Variants in GRM7 observed in about 807,000 individuals in gnomAD.
GRM7 encodes glutamate metabotropic receptor 7.
Under a neutral mutation model 84.5 loss-of-function variants are expected in GRM7, and 35 were observed. The ratio of observed to expected loss-of-function variants is 0.41; its 90% CI spans 0.32 to 0.55. The LOEUF is 0.55. Ranked by LOEUF, GRM7 falls within the 20% of genes least tolerant of loss-of-function variation. The pLI, the probability that GRM7 is intolerant of heterozygous loss-of-function variation, is 0.19. For missense variants in GRM7, 1,003 were observed against 1,194.6 expected (o/e 0.84, Z 2.36); for synonymous variants, 487 against 455.1 (o/e 1.07, Z -0.89).
chr3:7,220,599 G>A (rs1254484756), intron 2 of GRM7, among the ~76,000 whole-genome samples: 1 of 152,024 alleles, frequency 6.6e-6, no homozygotes, highest in African/African-American at 2.4e-5. Context: ...TAGGAAAAGG[G>A]CATTAGGTAA....
chr3:7,136,953 A>C (rs1207147836), intron 1 of GRM7, among the ~76,000 whole-genome samples: 1 of 152,118 alleles, frequency 6.6e-6, no homozygotes, highest in African/African-American at 2.4e-5. Flanking sequence ...AGAACCCATC[A>C]ATTGACCTTC....
chr3:7,137,516 AAT>A (rs1693810012), intron 1 of GRM7, among the ~76,000 whole-genome samples: 2 of 152,094 alleles, frequency 1.3e-5, no homozygotes, highest in Non-Finnish European at 2.9e-5. Context: ...GATTACTTGA[AAT>A]GAGTTTTCTG....
chr3:7,580,699 T>C (rs1208356998), intron 8 of GRM7, among the ~76,000 whole-genome samples: 1 of 152,126 alleles, frequency 6.6e-6, no homozygotes, highest in Admixed American at 6.5e-5. Context: ...CAGATTATGG[T>C]TTTAGTCATA....
At chr3:6,959,960 G>A (rs1693225772) in intron 1 of GRM7, among the ~76,000 whole-genome samples, 1 of 152,122 alleles carries the variant, frequency 6.6e-6, no homozygotes, top group Non-Finnish European at 1.5e-5. Flanking sequence ...CCAGAAAAGA[G>A]GCTGAACATC....
At chr3:7,412,191 CCT>C (rs1185048829) in intron 4 of GRM7, among the ~76,000 whole-genome samples, 2 of 152,080 alleles carry the variant, frequency 1.3e-5, no homozygotes, top group East Asian at 1.9e-4. Context: ...GGAAGCAGAC[CCT>C]CTGTTTATAG....
rs567550399 is a variant in GRM7, at chr3:7,419,637, C to G, written c.1174+4474C>G. 5.9e-5 allele frequency among the ~76,000 whole-genome samples: 9 copies of G among 152,228 alleles called. No homozygotes were observed. In the South Asian group the frequency reaches 1.9e-3, roughly 32 times the overall value. On this transcript the variant is annotated intron_variant, in intron 5 of 9. Coordinates refer to ENST00000357716, the MANE Select transcript of GRM7 (RefSeq NM_000844.4). The stretch of plus-strand genomic sequence containing the variant: ...GACTGGGCAACATCTTATGGCTTAT[C>G]AGTCATAACTCGTGACTTACCCAGA...
chr3:6,864,929 T>C (rs1445324537), intron 1 of GRM7, among the ~76,000 whole-genome samples: 1 of 152,200 alleles, frequency 6.6e-6, no homozygotes. Context: ...TGTACCAGAT[T>C]GAAGACATAA....
At chr3:7,316,419 C>G (rs1021907062) in intron 4 of GRM7, among the ~76,000 whole-genome samples, 26 of 151,628 alleles carry the variant, frequency 1.7e-4, no homozygotes, top group African/African-American at 3.6e-4. Flanking sequence ...TTATTCCCCC[C>G]AAAACAAAGA....
intron 1 of GRM7, among the ~76,000 whole-genome samples, chr3:6,877,164 G>A (rs1474849771): frequency 6.6e-6 from 1 of 152,170 alleles, no homozygotes; most frequent in African/African-American, 2.4e-5. Flanking sequence ...CTCAGCACTT[G>A]CATCATGTTA....
At chr3:7,061,620 C>T (rs1469527098) in intron 1 of GRM7, among the ~76,000 whole-genome samples, 2 of 151,588 alleles carry the variant, frequency 1.3e-5, no homozygotes, top group African/African-American at 4.8e-5. Flanking sequence ...AATGTCTCAA[C>T]AAAGAAAATA....
At chr3:6,893,771 A>G (rs956550782) in intron 1 of GRM7, 5 of 152,182 alleles carry the variant, frequency 3.3e-5, no homozygotes, top group Non-Finnish European at 7.4e-5. Flanking sequence ...ATATTCTGGT[A>G]TTCTAACAAT....
At chr3:7,646,225 T>A (rs566691101) in intron 8 of GRM7, among the ~76,000 whole-genome samples, 1 of 152,168 alleles carries the variant, frequency 6.6e-6, no homozygotes, top group Non-Finnish European at 1.5e-5. Flanking sequence ...GGAGTCTCAC[T>A]CTGTTGCCCA....
chr3:6,940,608 T>G (rs1182161294), intron 1 of GRM7, among the ~76,000 whole-genome samples: 1 of 152,196 alleles, frequency 6.6e-6, no homozygotes, highest in Non-Finnish European at 1.5e-5. Flanking sequence ...CAGTTTCTTC[T>G]TTCTTTCACA....
intron 5 of GRM7, among the ~76,000 whole-genome samples, chr3:7,418,088 T>G (rs1284754471): frequency 1.3e-5 from 2 of 152,198 alleles, no homozygotes; most frequent in Non-Finnish European, 2.9e-5. Context: ...GAAAATGACC[T>G]GAACAACTAT....
At chr3:7,622,927 C>A (rs62235220) in intron 8 of GRM7, among the ~76,000 whole-genome samples, 1 of 151,950 alleles carries the variant, frequency 6.6e-6, no homozygotes, top group Admixed American at 6.6e-5. Context: ...AAGGAGGTTC[C>A]AGGGGAAAGT....
chr3:7,528,331 C>A (rs2125000844), intron 7 of GRM7, among the ~76,000 whole-genome samples: 1 of 152,176 alleles, frequency 6.6e-6, no homozygotes, highest in African/African-American at 2.4e-5. Flanking sequence ...ATAATAGTCT[C>A]TGAGAATCTT....
At chr3:7,138,765 T>G (rs1340755876) in intron 1 of GRM7, among the ~76,000 whole-genome samples, 1 of 151,474 alleles carries the variant, frequency 6.6e-6, no homozygotes, top group African/African-American at 2.4e-5. Context: ...TTACCATATA[T>G]CTATATGGTA....
rs540060062 is a variant in GRM7 at position 7,587,747 on chromosome 3, C to T, written c.2451+8390C>T. 1.1e-4 allele frequency among the ~76,000 whole-genome samples: 17 copies of T among 152,212 alleles called. No homozygotes were observed. In the South Asian group the frequency reaches 2.7e-3, roughly 24 times the overall value. On this transcript the variant is annotated intron_variant, in intron 8 of 9. Coordinates refer to ENST00000357716, the MANE Select transcript of GRM7 (RefSeq NM_000844.4). ...GGGAAGATAGGCACTGGCTACCAGTCGTGATTTAAATGGACTTTCCTAATG... is the reference window on the plus strand; with the variant it reads ...GGGAAGATAGGCACTGGCTACCAGTTGTGATTTAAATGGACTTTCCTAATG...
intron 7 of GRM7, among the ~76,000 whole-genome samples, chr3:7,569,115 A>G (rs1039839328): frequency 1.3e-5 from 2 of 152,092 alleles, no homozygotes; most frequent in Admixed American, 6.5e-5. Flanking sequence ...TTGTAAATAC[A>G]CCTATCAGCA....
Sources: allele counts gnomAD v4.1 joint callset (sites outside exome capture counted in the v4.1 genomes callset), GRCh38; gene constraint gnomAD v4.1.1; transcripts MANE v1.5; gene names NCBI Gene and HGNC (gene_info 2026-07-23, HGNC 2026-07-21).